SV2C: variants seen among roughly 807,000 people sequenced by gnomAD.
SV2C encodes the protein solute carrier family 22 member B3.
Under a neutral mutation model 79.7 loss-of-function variants are expected in SV2C, and 49 were observed. The ratio of observed to expected loss-of-function variants is 0.61; its 90% CI spans 0.49 to 0.78. SV2C has a LOEUF of 0.78. Ranked by LOEUF, SV2C falls within the 30% of genes least tolerant of loss-of-function variation. The probability of loss-of-function intolerance (pLI) is 0.00; values close to 1 mark genes in which losing one functional copy is unlikely to be tolerated. For missense variants in SV2C, 833 were observed against 912.9 expected, an observed-to-expected ratio of 0.91 and a Z score of 1.13; for synonymous variants, 334 against 333.2, an observed-to-expected ratio of 1.00 and a Z score of -0.03.
At chr5:76,045,362 G>A in the SV2C span, among the ~76,000 whole-genome samples, 1 of 152,112 alleles carries the variant, frequency 6.6e-6, no homozygotes, top group Non-Finnish European at 1.5e-5. Flanking sequence ...CTCTAGCTTT[G>A]TTCTTTTTGC....
the SV2C span, among the ~76,000 whole-genome samples, chr5:75,858,464 T>C: frequency 6.6e-6 from 1 of 152,254 alleles, no homozygotes; most frequent in Non-Finnish European, 1.5e-5. Context: ...CACTTGGTCA[T>C]GATGAATGAC....
chr5:76,311,114 T>G (rs1183140928), intron 12 of SV2C: 1 of 152,282 alleles, frequency 6.6e-6, no homozygotes, highest in Admixed American at 6.5e-5. Context: ...AGAACTCACC[T>G]CAGGTAGAGG....
chr5:75,992,243 TATG>T, the SV2C span, among the ~76,000 whole-genome samples: 1 of 152,060 alleles, frequency 6.6e-6, no homozygotes, highest in Non-Finnish European at 1.5e-5. Flanking sequence ...GCTCTGTTGA[TATG>T]ATTTTTCCAT....
chr5:75,996,197 A>C, the SV2C span, among the ~76,000 whole-genome samples: 1 of 152,270 alleles, frequency 6.6e-6, no homozygotes, highest in African/African-American at 2.4e-5. Flanking sequence ...TCAGCTTTCT[A>C]CATATGGCTA....
chr5:76,047,375 G>T, the SV2C span, among the ~76,000 whole-genome samples: 1 of 152,204 alleles, frequency 6.6e-6, no homozygotes, highest in Non-Finnish European at 1.5e-5. Flanking sequence ...TATTTTGTGT[G>T]TGGCTTATTT....
the SV2C span, among the ~76,000 whole-genome samples, chr5:75,927,053 G>A: frequency 1.2e-4 from 18 of 152,110 alleles, no homozygotes; most frequent in African/African-American, 4.1e-4. Flanking sequence ...TAGAGGACTC[G>A]AGGCATAATT....
chr5:76,054,247 G>A, the SV2C span, among the ~76,000 whole-genome samples: 5 of 152,096 alleles, frequency 3.3e-5, no homozygotes, highest in Admixed American at 2.0e-4. Context: ...TGTGGTGTTT[G>A]GTTTTCTGTT....
the SV2C span, among the ~76,000 whole-genome samples, chr5:76,018,566 C>A: frequency 6.5e-4 from 99 of 152,026 alleles, no homozygotes; most frequent in Middle Eastern, 6.8e-3. Context: ...ATTTTTAAAC[C>A]CAAATTTTAC....
the SV2C span, among the ~76,000 whole-genome samples, chr5:75,979,955 A>G: frequency 2.0e-5 from 3 of 152,172 alleles, no homozygotes; most frequent in Non-Finnish European, 4.4e-5. Context: ...GTTTGAAAAA[A>G]TTAATAATAC....
intron 12 of SV2C, among the ~76,000 whole-genome samples, chr5:76,311,720 T>C (rs1748448492): frequency 6.6e-6 from 1 of 152,096 alleles, no homozygotes; most frequent in Non-Finnish European, 1.5e-5. Context: ...GAGCCAGACA[T>C]AGAATGGATT....
the SV2C span, among the ~76,000 whole-genome samples, chr5:75,913,435 A>G: frequency 1.1e-4 from 16 of 152,332 alleles, no homozygotes; most frequent in South Asian, 3.3e-3. Flanking sequence ...GTGAGCTCCT[A>G]GAGGGTTTAA....
At chr5:75,876,831 C>T in the SV2C span, among the ~76,000 whole-genome samples, 5 of 151,542 alleles carry the variant, frequency 3.3e-5, no homozygotes, top group South Asian at 1.0e-3. Context: ...GCATAAAATG[C>T]TACATTTGAA....
chr5:76,173,151 TA>T (rs1284344674), intron 2 of SV2C, among the ~76,000 whole-genome samples: 3 of 148,646 alleles, frequency 2.0e-5, no homozygotes, highest in African/African-American at 7.3e-5. Flanking sequence ...TTGAATTTCT[TA>T]AAAAAAATTA....
chr5:76,094,116 T>C (rs1013899561), intron 1 of SV2C, among the ~76,000 whole-genome samples: 3 of 152,160 alleles, frequency 2.0e-5, no homozygotes, highest in Non-Finnish European at 4.4e-5. Flanking sequence ...ATAAATAAAA[T>C]GTCTTTGGAG....
the SV2C span, among the ~76,000 whole-genome samples, chr5:75,850,138 A>G: frequency 2.6e-5 from 4 of 152,208 alleles, no homozygotes; most frequent in African/African-American, 7.2e-5. Context: ...TCCTACATAT[A>G]AAATAATCTT....
intron 2 of SV2C, chr5:76,174,246 G>T: frequency 6.5e-7 from 1 of 1,544,256 alleles, no homozygotes; most frequent in Non-Finnish European, 8.9e-7. Context: ...GGTCTCTGCA[G>T]CCAGCGTCGC....
At chr5:76,335,611 G>T (rs868513982), downstream of SV2C, among the ~76,000 whole-genome samples, 1 of 151,914 alleles carries the variant, frequency 6.6e-6, no homozygotes. Flanking sequence ...AGATTAGGGA[G>T]TGGTGATGAC....
At chr5:75,940,672 T>C in the SV2C span, among the ~76,000 whole-genome samples, 1 of 152,150 alleles carries the variant, frequency 6.6e-6, no homozygotes, top group South Asian at 2.1e-4. Context: ...AGTTGACTTG[T>C]ACCAAATCGA....
chr5:75,970,708 G>T, the SV2C span, among the ~76,000 whole-genome samples: 5 of 152,062 alleles, frequency 3.3e-5, no homozygotes, highest in Non-Finnish European at 7.3e-5. Flanking sequence ...AAAAAGTCCA[G>T]GACCAGATGG....
Sources: allele counts gnomAD v4.1 joint callset (sites outside exome capture counted in the v4.1 genomes callset), GRCh38; gene constraint gnomAD v4.1.1; transcripts MANE v1.5; gene names NCBI Gene and HGNC (gene_info 2026-07-23, HGNC 2026-07-21).